The following NUDT1 variants were observed in gnomAD, a reference collection of about 807,000 sequenced individuals.
NUDT1 encodes the protein nudix hydrolase 1.
In NUDT1, 16 loss-of-function variants were observed where a neutral mutation model predicts 11.3. The observed-to-expected ratio is 1.41, with a 90% confidence interval of 0.96 to 2.15. The LOEUF (loss-of-function observed/expected upper bound fraction) is 2.15. NUDT1 is among the 30% of genes most tolerant of loss of function. NUDT1 has a pLI of 0.00. For synonymous variants in NUDT1, 101 were observed against 84.4 expected (o/e 1.20, Z -1.08); for missense variants, 234 against 208.4 (o/e 1.12, Z -0.76).
In NUDT1 at chr7:2,249,900, A is replaced by G. The variant is rs746029822; in HGVS notation, c.196A>G (p.Lys66Glu). The change falls in exon 3 of 4, where the codon AAG becomes GAG. Residue 66 changes from lysine (K) to glutamate (E), a missense_variant. Coordinates refer to ENST00000356714, the MANE Select transcript of NUDT1 (RefSeq NM_002452.4). ...ESGLTVDALH[K>E]VGQIVFEFVG... is the part of the protein sequence containing the mutation. Reference sequence around the variant, plus strand: ...CGGTCTGACAGTGGACGCCCTGCACAAGGTGGGCCAGATCGTGTTTGAGTT... The same window carrying G: ...CGGTCTGACAGTGGACGCCCTGCACGAGGTGGGCCAGATCGTGTTTGAGTT... 1 of 1,614,120 alleles carries G rather than the reference A, an allele frequency of 6.2e-7. No individual in the cohort carries two copies. Among genetic ancestry groups the G allele is most frequent in the Non-Finnish European group, 8.5e-7 (1 of 1,180,016 alleles).
intron 2 of NUDT1, among the ~76,000 whole-genome samples, chr7:2,247,529 G>A (rs1794818864): frequency 6.6e-6 from 1 of 152,236 alleles, no homozygotes; most frequent in Admixed American, 6.5e-5. Flanking sequence ...CACAGGAGCA[G>A]CGATGGGAAG....
chr7:2,245,780 C>G (rs1416914737), intron 2 of NUDT1, among the ~76,000 whole-genome samples: 2 of 151,950 alleles, frequency 1.3e-5, no homozygotes, highest in African/African-American at 4.8e-5. Flanking sequence ...TCAAGCGATC[C>G]TCCCTCCCGG....
chr7:2,245,047 G>A (rs745992664), intron 2 of NUDT1, among the ~76,000 whole-genome samples: 10 of 152,206 alleles, frequency 6.6e-5, no homozygotes, highest in Admixed American at 3.3e-4. Context: ...GCAGCAGCTT[G>A]AATTGAACCC....
chr7:2,250,618 C>A (rs1051768203), intron 3 of NUDT1, among the ~76,000 whole-genome samples: 1 of 146,948 alleles, frequency 6.8e-6, no homozygotes, highest in Non-Finnish European at 1.5e-5. Flanking sequence ...CCACCACGCC[C>A]GGCTAATTTT....
chr7:2,250,139 G>C, intron 3 of NUDT1, 137 bp downstream of exon 3: 1 of 1,140,178 alleles, frequency 8.8e-7, no homozygotes, highest in Non-Finnish European at 1.2e-6. Flanking sequence ...CACAGTGCCA[G>C]CGTGGGGCCC....
intron 2 of NUDT1, among the ~76,000 whole-genome samples, chr7:2,246,526 G>A (rs1214673258): frequency 1.3e-5 from 2 of 152,228 alleles, no homozygotes; most frequent in African/African-American, 4.8e-5. Flanking sequence ...GCTGGATGGA[G>A]GAACTCCAGG....
In NUDT1 at chr7:2,242,246, C is replaced by T. The variant is rs1794570823; in HGVS notation, c.-23C>T. ...CGGTCAGAGGCCACGCCCCCGGAAG[C>T]GGCGGTGCAGGTACGAAAAGCGCGC... On this transcript the variant is annotated 5_prime_UTR_variant, in exon 1 of 4. Transcript: ENST00000356714. The T allele has an allele frequency of 6.9e-7, 1 of 1,443,870 alleles. No homozygotes were observed. The highest frequency in any genetic ancestry group is 1.3e-5 in the South Asian group (1 of 78,192). 89.4% of individuals were successfully genotyped at this position (1,443,870 alleles called of 1,614,324 possible).
intron 1 of NUDT1, chr7:2,243,011 A>G (rs1425814650): frequency 1.4e-6 from 1 of 717,362 alleles, no homozygotes; most frequent in Non-Finnish European, 2.6e-6. Context: ...ATTAGCCCTC[A>G]GCAGATGGGG....
chr7:2,250,838 C>T lies in NUDT1; in HGVS notation c.308C>T (p.Pro103Leu), dbSNP rs1000625228. 6.2e-7 allele frequency: 1 copy of T among 1,614,058 alleles called. No homozygotes were observed. Among genetic ancestry groups the T allele is most frequent in the Non-Finnish European group, 8.5e-7 (1 of 1,180,000 alleles). ...TCCCCCATTGGTACAGAAATGCGCC[C>T]ATGCTGGTTCCAGCTGGATCAGATC... is the stretch of plus-strand genomic sequence containing the variant. Reference protein sequence around the residue: ...GTPVESDEMRPCWFQLDQIPF... With the variant: ...GTPVESDEMRLCWFQLDQIPF... Residue 103 changes from proline to leucine, a missense_variant, in exon 4 of 4, where the codon CCA becomes CTA. Transcript: ENST00000356714.
chr7:2,243,177 G>A (rs1467544695), intron 1 of NUDT1: 2 of 571,792 alleles, frequency 3.5e-6, no homozygotes, highest in African/African-American at 1.9e-5. Flanking sequence ...TCCTCTTGAC[G>A]TCCAGCGGCT....
chr7:2,244,479 A>T, intron 1 of NUDT1, 84 bp from the exon 2 acceptor site: 1 of 984,944 alleles, frequency 1.0e-6, no homozygotes, highest in Non-Finnish European at 1.4e-6. Context: ...TGCCTCCCAG[A>T]GCACGTCCCC....
intron 2 of NUDT1, among the ~76,000 whole-genome samples, chr7:2,248,547 CTTTTTTTTTT>C (rs11393832): frequency 1.6e-5 from 2 of 122,606 alleles, no homozygotes; most frequent in African/African-American, 3.3e-5. Flanking sequence ...ATGATGTTTG[CTTTTTTTTTT>C]TTTTTTTTTT....
intron 2 of NUDT1, among the ~76,000 whole-genome samples, chr7:2,245,427 C>G (rs1369555123): frequency 6.6e-6 from 1 of 152,130 alleles, no homozygotes; most frequent in Non-Finnish European, 1.5e-5. Context: ...ACGCTGCAGC[C>G]TAGTGGCTTT....
In NUDT1 at chr7:2,249,853, G is replaced by T. The variant is rs745940797; in HGVS notation, c.153-4G>T. 5 of 1,612,874 alleles carry T rather than the reference G, an allele frequency of 3.1e-6. No individual in the cohort carries two copies. Among genetic ancestry groups the T allele is most frequent in the Non-Finnish European group, 4.2e-6 (5 of 1,180,014 alleles). On this transcript the variant is annotated splice_polypyrimidine_tract_variant and splice_region_variant and intron_variant, in intron 2 of 3. Transcript: ENST00000356714. ...CTCCCTCCCCTGCCCACCTCTGCCC[G>T]CAGGGAGCTGCAGGAGGAGAGCGGT...
At chr7:2,246,234 C>G (rs1794762692) in intron 2 of NUDT1, among the ~76,000 whole-genome samples, 1 of 152,186 alleles carries the variant, frequency 6.6e-6, no homozygotes, top group Non-Finnish European at 1.5e-5. Flanking sequence ...TGAGGAGGAA[C>G]AGGTCAGTCC....
intron 2 of NUDT1, among the ~76,000 whole-genome samples, chr7:2,246,196 G>A (rs1365200282): frequency 5.3e-5 from 8 of 152,218 alleles, no homozygotes; most frequent in Non-Finnish European, 1.0e-4. Context: ...GATTTCTGTA[G>A]CGCTGCTCTG....
chr7:2,244,867 T>C, intron 2 of NUDT1, 141 bp downstream of exon 2: 1 of 984,214 alleles, frequency 1.0e-6, no homozygotes, highest in Non-Finnish European at 1.5e-6. Flanking sequence ...AGTGTCTTCA[T>C]CTCAGAATGA....
At chr7:2,244,844 AAGCGTG>A (rs1794710100) in intron 2 of NUDT1, 118 bp downstream of exon 2, 7 of 1,225,646 alleles carry the variant, frequency 5.7e-6, no homozygotes, top group Non-Finnish European at 7.9e-6. Context: ...GCAGGGGGTT[AAGCGTG>A]AGCCTCAGTG....
rs1795007471 is a variant in NUDT1, at chr7:2,251,120, A to G, written c.*119A>G. On this transcript the variant is annotated 3_prime_UTR_variant, in exon 4 of 4. Transcript: ENST00000356714. ...TTTCATCTGGAATTAACTGGATGGA[A>G]GGGAAAATAAAGCTATCTAGCGGTG... is the stretch of plus-strand genomic sequence containing the variant. The G allele has an allele frequency of 4.2e-6, 4 of 954,370 alleles. No homozygotes were observed. The Admixed American group carries it at 7.5e-5, about 18-fold the overall frequency. 59.1% of individuals were successfully genotyped at this position (954,370 alleles called of 1,614,324 possible).
Sources: allele counts gnomAD v4.1 joint callset (sites outside exome capture counted in the v4.1 genomes callset), GRCh38; gene constraint gnomAD v4.1.1; transcripts MANE v1.5; gene names NCBI Gene and HGNC (gene_info 2026-07-23, HGNC 2026-07-21).